The following KANK1 variants were observed in gnomAD, a reference collection of about 807,000 sequenced individuals.
The protein encoded by KANK1 is KN motif and ankyrin repeat domain-containing protein 1.
KANK1 carries 109 observed loss-of-function variants against 106.2 expected under a neutral mutation model. The observed-to-expected ratio is 1.03, with a 90% confidence interval of 0.88 to 1.20. The LOEUF (loss-of-function observed/expected upper bound fraction) is 1.20, where lower values mean the gene tolerates loss of function less well. Ranked by LOEUF, KANK1 falls within the 50% of genes most tolerant of loss-of-function variation. The pLI, the probability that KANK1 is intolerant of heterozygous loss-of-function variation, is 0.00. For missense variants in KANK1, 2,399 were observed against 1,710.7 expected, an observed-to-expected ratio of 1.40 and a Z score of -7.10; for synonymous variants, 873 against 652.2, an observed-to-expected ratio of 1.34 and a Z score of -5.16.
At position 514,648 on chromosome 9, in the gene KANK1, G is replaced by A. The variant is rs2132983833; in HGVS notation, c.-84+9894G>A. ...ATGTGGTTATGGGTTCATGCTCATT[G>A]CTGTATAGTGTTCCATCATGTGAAT... is the stretch of plus-strand genomic sequence containing the variant. On this transcript the variant is annotated intron_variant, in intron 1 of 11. Transcript: ENST00000382297. Among the ~76,000 whole-genome samples the A allele has an allele frequency of 1.3e-5, 2 of 151,756 alleles. 1 individual carries two copies. Among genetic ancestry groups the A allele is most frequent in the African/African-American group, 4.9e-5 (2 of 41,062 alleles).
intron 9 of KANK1, among the ~76,000 whole-genome samples, chr9:741,844 C>A (rs1002379573): frequency 6.6e-6 from 1 of 151,910 alleles, no homozygotes; most frequent in Non-Finnish European, 1.5e-5. Context: ...CTCTTGAACT[C>A]CTGAGCTCAG....
At chr9:739,686 C>G (rs1426282349) in intron 8 of KANK1, among the ~76,000 whole-genome samples, 1 of 152,180 alleles carries the variant, frequency 6.6e-6, no homozygotes, top group Non-Finnish European at 1.5e-5. Flanking sequence ...GCTTAGTATA[C>G]CCTTAGAAGT....
At chr9:693,533 T>A (rs866593842) in intron 2 of KANK1, 1 of 985,320 alleles carries the variant, frequency 1.0e-6, no homozygotes, top group Admixed American at 6.1e-5. Context: ...GCCTCTTTTT[T>A]AAGATCTTGC....
intron 1 of KANK1, among the ~76,000 whole-genome samples, chr9:542,722 T>C (rs1351613217): frequency 2.0e-5 from 3 of 152,220 alleles, no homozygotes; most frequent in African/African-American, 7.2e-5. Flanking sequence ...TCTTCACCCT[T>C]ACAAAAGAAG....
At chr9:559,590 A>G (rs1178606846) in intron 1 of KANK1, among the ~76,000 whole-genome samples, 4 of 152,218 alleles carry the variant, frequency 2.6e-5, no homozygotes, top group Non-Finnish European at 5.9e-5. Context: ...TGTAAAATGT[A>G]AGTGCATAAT....
intron 1 of KANK1, among the ~76,000 whole-genome samples, chr9:563,353 A>G (rs2134478380): frequency 6.6e-6 from 1 of 152,328 alleles, no homozygotes; most frequent in East Asian, 1.9e-4. Context: ...AACTGTGAAT[A>G]TTCCATTAAC....
At chr9:518,139 A>T (rs1051266027) in intron 1 of KANK1, among the ~76,000 whole-genome samples, 35 of 151,812 alleles carry the variant, frequency 2.3e-4, no homozygotes, top group African/African-American at 8.5e-4. Flanking sequence ...TTTGATAGCA[A>T]AAGGAGGAAA....
intron 1 of KANK1, among the ~76,000 whole-genome samples, chr9:672,207 A>G (rs141228199): frequency 3.9e-5 from 6 of 152,324 alleles, no homozygotes; most frequent in African/African-American, 1.4e-4. Flanking sequence ...GATGTGAGCA[A>G]GTTCTAAAAC....
intron 1 of KANK1, among the ~76,000 whole-genome samples, chr9:542,306 C>A (rs1183848039): frequency 6.6e-6 from 1 of 152,214 alleles, no homozygotes; most frequent in African/African-American, 2.4e-5. Context: ...TCAAGACTGG[C>A]CTAGCCACAT....
chr9:741,197 G>T (rs1835393555), intron 9 of KANK1, among the ~76,000 whole-genome samples: 1 of 152,074 alleles, frequency 6.6e-6, no homozygotes, highest in African/African-American at 2.4e-5. Context: ...TGGAAATACT[G>T]TTAGTTCCCC....
rs7863576 is a variant in KANK1 at position 655,409 on chromosome 9, T to G, written c.-83-21481T>G. 4.0e-3 allele frequency among the ~76,000 whole-genome samples: 598 copies of G among 150,570 alleles called. 2 individuals carry two copies. The highest frequency in any genetic ancestry group is 5.1e-3 in the Non-Finnish European group (344 of 67,810). On this transcript the variant is annotated intron_variant, in intron 1 of 11. Transcript: ENST00000382297. ...AAAAAAAATCCAAGATTGTGAACCA[T>G]TACTGTAGGTTGCTCCAGATAAAAG...
At chr9:487,403 A>G (rs903067647) in intron 3 of KANK1, among the ~76,000 whole-genome samples, 9 of 152,202 alleles carry the variant, frequency 5.9e-5, no homozygotes, top group African/African-American at 2.2e-4. Context: ...GTTCTGAGCG[A>G]TTTAAGGTAG....
intron 1 of KANK1, among the ~76,000 whole-genome samples, chr9:592,688 T>G (rs565705879): frequency 3.3e-4 from 50 of 152,058 alleles, no homozygotes; most frequent in African/African-American, 1.2e-3. Context: ...TAAAATATTT[T>G]ATCTGTATGA....
intron 6 of KANK1, chr9:733,241 TAGAG>T (rs1832801161): frequency 6.6e-6 from 1 of 152,198 alleles, no homozygotes. Flanking sequence ...GCTCATAAAA[TAGAG>T]AGTAGAAAAG....
chr9:734,036 G>C (rs1833016507), intron 6 of KANK1: 1 of 138,272 alleles, frequency 7.2e-6, no homozygotes, highest in Non-Finnish European at 1.5e-5. Flanking sequence ...TTGAGCCTGG[G>C]ACAGCAAAAC....
chr9:745,145 CCA>C lies in KANK1; in HGVS notation c.3997-27_3997-26del, dbSNP rs776679571. 2.7e-5 allele frequency: 44 copies of C among 1,611,890 alleles called. 1 individual carries two copies. The highest frequency in any genetic ancestry group is 2.6e-4 in the South Asian group (24 of 90,612). On this transcript the variant is annotated intron_variant, in intron 11 of 11. Transcript: ENST00000382297. ...TCTGCCTGAGGTCACTTATTAACCC[CCA>C]GTTTTTTTCCTTTCCTGGTCTCTAG...
chr9:514,488 G>A (rs76954985), intron 1 of KANK1, among the ~76,000 whole-genome samples: 9,551 of 149,920 alleles, frequency 0.064, 1,127 homozygotes, highest in African/African-American at 0.21. Context: ...CTCTTGCCCC[G>A]AGGGTATCCT....
intron 1 of KANK1, among the ~76,000 whole-genome samples, chr9:551,996 C>T (rs1178860160): frequency 1.3e-5 from 2 of 152,058 alleles, no homozygotes; most frequent in Non-Finnish European, 2.9e-5. Context: ...GTCAAGGCTG[C>T]AACGAGCTAT....
intron 2 of KANK1, among the ~76,000 whole-genome samples, chr9:472,123 T>C (rs1157084821): frequency 6.6e-6 from 1 of 152,218 alleles, no homozygotes; most frequent in African/African-American, 2.4e-5. Context: ...AAAACTTTTC[T>C]ATCAGGGAAT....
Sources: gnomAD v4.1 joint callset for allele counts (sites outside exome capture counted in the v4.1 genomes callset) on GRCh38, gnomAD v4.1.1 for gene constraint, MANE v1.5 for transcripts, NCBI Gene and HGNC (gene_info 2026-07-23, HGNC 2026-07-21) for gene names.